Variants in SCN11A observed in about 807,000 individuals in gnomAD.
The protein encoded by SCN11A is sodium channel protein type 11 subunit alpha.
A neutral mutation model predicts 162.2 loss-of-function variants in SCN11A; 122 were observed. The ratio of observed to expected loss-of-function variants is 0.75; its 90% CI spans 0.65 to 0.87. The LOEUF is 0.87. Among genes scored for constraint, SCN11A ranks in the 40% least tolerant of loss-of-function variants. The pLI is 0.00. For missense variants in SCN11A, 2,015 were observed against 2,181.6 expected (o/e 0.92, Z 1.52); for synonymous variants, 758 against 751.5 (o/e 1.01, Z -0.14).
At position 38,894,537 on chromosome 3, in the gene SCN11A, T is replaced by C. The variant is rs2126115758; in HGVS notation, c.2831A>G (p.Gln944Arg). 1 of 1,599,530 alleles carries C rather than the reference T, an allele frequency of 6.3e-7. No homozygotes were observed. Among genetic ancestry groups the C allele is most frequent in the Non-Finnish European group, 8.5e-7 (1 of 1,173,110 alleles). ...AQRITQPEPE[Q>R]QAYELHQENK... ...TCTATGTGTGAACCTTCATACCTGT[T>C]GTTCAGGCTCAGGTTGTGTGATGCG... The change falls in exon 19 of 30, where the codon CAA becomes CGA. Residue 944 changes from glutamine to arginine, a missense_variant. Physicochemically the swap from Gln to Arg is conservative, Grantham distance 43. Coordinates refer to ENST00000302328, the MANE Select transcript of SCN11A (RefSeq NM_001349253.2).
chr3:39,033,512 A>G (rs902164006), intron 1 of SCN11A, among the ~76,000 whole-genome samples: 2 of 152,220 alleles, frequency 1.3e-5, no homozygotes, highest in African/African-American at 4.8e-5. Context: ...AGATTAGTTA[A>G]GACCTTGGGG....
Position 38,985,381 on chromosome 3 carries a change from C to T in SCN11A, c.-279-24958G>A, listed in dbSNP as rs546542759. On this transcript the variant is annotated intron_variant, in intron 2 of 29. Transcript: ENST00000302328. The stretch of plus-strand genomic sequence containing the variant: ...TCCTGACCTCGTGATCCACCCATCT[C>T]GGCCTCCCAAAGTGCTGGGATTACA... 5.1e-4 allele frequency among the ~76,000 whole-genome samples: 77 copies of T among 150,450 alleles called. 2 individuals are homozygous for T. The South Asian group carries it at 6.9e-3, about 13-fold the overall frequency.
At chr3:38,854,142 T>C (rs986793027) in intron 28 of SCN11A, among the ~76,000 whole-genome samples, 6 of 152,296 alleles carry the variant, frequency 3.9e-5, no homozygotes, top group Admixed American at 3.3e-4. Context: ...ATGATAATTA[T>C]ATAAAATCCA....
rs1435399278 is a variant in SCN11A, at chr3:38,981,533, GTGTT to G, written c.-279-21114_-279-21111del. On this transcript the variant is annotated intron_variant, in intron 2 of 29. Coordinates refer to ENST00000302328, the MANE Select transcript of SCN11A (RefSeq NM_001349253.2). Reference sequence around the variant, plus strand: ...ATCAGTGTTTCTGTGTTGTGTGTGTGTGTTTGTGTGTGTGTGTGTGTGTGTGTGT... The same window carrying G: ...ATCAGTGTTTCTGTGTTGTGTGTGTGTGTGTGTGTGTGTGTGTGTGTGTGT... 6.3e-5 allele frequency among the ~76,000 whole-genome samples: 8 copies of G among 127,116 alleles called. No individual in the cohort carries two copies. The East Asian group carries it at 9.6e-4, about 15-fold the overall frequency. 83.4% of individuals were successfully genotyped at this position (127,116 alleles called of 152,430 possible).
intron 9 of SCN11A, among the ~76,000 whole-genome samples, chr3:38,925,005 G>A (rs2066115184): frequency 6.6e-6 from 1 of 152,006 alleles, no homozygotes; most frequent in South Asian, 2.1e-4. Context: ...GACAACTATC[G>A]TGATCACTCT....
In SCN11A at chr3:38,921,190, T is replaced by C; in HGVS notation, c.778A>G (p.Thr260Ala). Residue 260 changes from threonine to alanine, a missense_variant, in exon 10 of 30, where the codon ACC (threonine) becomes GCC (alanine). Coordinates refer to ENST00000302328, the MANE Select transcript of SCN11A (RefSeq NM_001349253.2). Reference protein sequence around the residue: ...VKKLVNVIILTFFCLSIFALV... With the variant: ...VKKLVNVIILAFFCLSIFALV... ...GCAAAGATGCTGAGGCAAAAGAAGG[T>C]GAGGATAATCACGTTGACCAGCTTC... is the stretch of plus-strand genomic sequence containing the variant. The C allele has an allele frequency of 6.2e-7, 1 of 1,613,874 alleles. No individual in the cohort carries two copies. The highest frequency in any genetic ancestry group is 8.5e-7 in the Non-Finnish European group (1 of 1,179,916).
intron 7 of SCN11A, among the ~76,000 whole-genome samples, chr3:38,939,434 G>A (rs1450630994): frequency 6.6e-6 from 1 of 152,020 alleles, no homozygotes; most frequent in African/African-American, 2.4e-5. Flanking sequence ...AATATTCAGA[G>A]AAATTTTAAA....
At chr3:38,966,190 A>G (rs929329049) in intron 2 of SCN11A, among the ~76,000 whole-genome samples, 2 of 152,108 alleles carry the variant, frequency 1.3e-5, no homozygotes, top group Non-Finnish European at 2.9e-5. Context: ...CAAGTTTCTG[A>G]GGGTTTTTGT....
At chr3:38,912,704 C>CACTT (rs1030853715) in intron 11 of SCN11A, among the ~76,000 whole-genome samples, 3 of 152,140 alleles carry the variant, frequency 2.0e-5, no homozygotes, top group Non-Finnish European at 4.4e-5. Flanking sequence ...ATTTAACTCC[C>CACTT]ACTTACAAGT....
intron 2 of SCN11A, among the ~76,000 whole-genome samples, chr3:38,965,620 C>T (rs1264465628): frequency 6.6e-6 from 1 of 152,212 alleles, no homozygotes. Flanking sequence ...TTGCTAAAGT[C>T]GCAGTGCTCT....
chr3:38,860,660 C>T (rs1305169367), intron 28 of SCN11A, among the ~76,000 whole-genome samples: 2 of 152,040 alleles, frequency 1.3e-5, no homozygotes, highest in Non-Finnish European at 2.9e-5. Flanking sequence ...TCTCAACAGA[C>T]ACAGAAAAAG....
Position 39,045,872 on chromosome 3 carries a change from A to G in SCN11A, c.-404+5989T>C, listed in dbSNP as rs1416900648. On this transcript the variant is annotated intron_variant, in intron 1 of 29. Coordinates refer to ENST00000302328, the MANE Select transcript of SCN11A (RefSeq NM_001349253.2). The stretch of plus-strand genomic sequence containing the variant: ...CAAATTGTCACTGTTTGCAGATGAT[A>G]TGATCTTATATATAGAAAACTTAAA... Among the ~76,000 whole-genome samples the G allele has an allele frequency of 3.3e-5, 5 of 152,374 alleles. No individual in the cohort carries two copies. The South Asian group carries it at 1.0e-3, about 32-fold the overall frequency.
chr3:38,974,709 A>AGAAAAG (rs1553647128), intron 2 of SCN11A, among the ~76,000 whole-genome samples: 5 of 130,370 alleles, frequency 3.8e-5, no homozygotes, highest in Non-Finnish European at 8.1e-5. Context: ...AAAAAAAAAA[A>AGAAAAG]AAAAGAAAAG....
intron 9 of SCN11A, among the ~76,000 whole-genome samples, chr3:38,923,799 G>A (rs571556325): frequency 2.0e-5 from 3 of 152,062 alleles, no homozygotes; most frequent in South Asian, 2.1e-4. Context: ...AAGATGAGTC[G>A]GGGGAGCAGG....
chr3:38,951,403 G>A (rs929235860), intron 4 of SCN11A, among the ~76,000 whole-genome samples: 1 of 152,248 alleles, frequency 6.6e-6, no homozygotes, highest in Admixed American at 6.5e-5. Context: ...CAGGGCTTGG[G>A]ACCTGCAGCC....
chr3:39,034,546 A>G (rs1292997875), intron 1 of SCN11A, among the ~76,000 whole-genome samples: 1 of 152,262 alleles, frequency 6.6e-6, no homozygotes, highest in African/African-American at 2.4e-5. Flanking sequence ...GATCTGGAAC[A>G]CAACAAAGAT....
At position 38,871,464 on chromosome 3, in the gene SCN11A, T is replaced by A. The variant is rs2065124080; in HGVS notation, c.3740A>T (p.Tyr1247Phe). The A allele has an allele frequency of 6.2e-7, 1 of 1,609,750 alleles. No individual in the cohort carries two copies. The highest frequency in any genetic ancestry group is 2.2e-5 in the East Asian group (1 of 44,826). ...ACTTACCACTTGCAGCAGAGCGAGG[T>A]AAGCATTTCCCACATTGTCAAAGTT... ...KVNFDNVGNA[Y>F]LALLQVATFK... The change falls in exon 25 of 30, where the codon TAC (tyrosine) becomes TTC (phenylalanine). Residue 1247 changes from tyrosine (Y) to phenylalanine (F), a missense_variant. Tyr to Phe is a conservative substitution (Grantham distance 22, BLOSUM62 3). Transcript: ENST00000302328.
chr3:38,927,486 G>C (rs921738664), intron 7 of SCN11A, among the ~76,000 whole-genome samples: 3 of 151,972 alleles, frequency 2.0e-5, no homozygotes, highest in East Asian at 3.8e-4. Context: ...AATTTCAAGT[G>C]ACCCCAAATA....
chr3:39,021,038 G>A (rs779361203), intron 2 of SCN11A, among the ~76,000 whole-genome samples: 3 of 150,544 alleles, frequency 2.0e-5, no homozygotes, highest in Non-Finnish European at 4.4e-5. Flanking sequence ...CATAAGATCT[G>A]TTAAAAAAAA....
Sources: gnomAD v4.1 joint callset for allele counts (sites outside exome capture counted in the v4.1 genomes callset) on GRCh38, gnomAD v4.1.1 for gene constraint, MANE v1.5 for transcripts, NCBI Gene and HGNC (gene_info 2026-07-23, HGNC 2026-07-21) for gene names.